Variants in PCYT1B observed in about 807,000 individuals in gnomAD.
The protein encoded by PCYT1B is choline-phosphate cytidylyltransferase B.
In PCYT1B, 10 loss-of-function variants were observed where a neutral mutation model predicts 26.4. The observed-to-expected ratio is 0.38, with a 90% CI of 0.23 to 0.64. PCYT1B has a LOEUF of 0.64. PCYT1B is among the 30% of genes least tolerant of loss of function. The pLI, the probability that PCYT1B is intolerant of heterozygous loss-of-function variation, is 0.56. For synonymous variants in PCYT1B, 131 were observed against 108.4 expected (o/e 1.21, Z -1.29); for missense variants, 161 against 292.7 (o/e 0.55, Z 3.28).
At chrX:24,566,384 G>A (rs1280212638) in intron 7 of PCYT1B, among the ~76,000 whole-genome samples, 1 of 111,834 alleles carries the variant, frequency 8.9e-6, no homozygotes, top group Non-Finnish European at 1.9e-5. Flanking sequence ...AAACACTCAT[G>A]AGCAACTGCA....
At chrX:24,591,661 G>C (rs781294119) in intron 3 of PCYT1B, among the ~76,000 whole-genome samples, 1 of 111,111 alleles carries the variant, frequency 9.0e-6, no homozygotes, top group Non-Finnish European at 1.9e-5. Flanking sequence ...GACTGCAAGT[G>C]ATCCACCGGT....
intron 5 of PCYT1B, among the ~76,000 whole-genome samples, chrX:24,580,132 C>T (rs1346006627): frequency 5.3e-5 from 6 of 112,334 alleles, no homozygotes; most frequent in Non-Finnish European, 1.1e-4. Flanking sequence ...GTGACTGCGC[C>T]ACTGCACTCC....
intron 1 of PCYT1B, among the ~76,000 whole-genome samples, chrX:24,640,820 G>A (rs183439950): frequency 1.8e-5 from 2 of 111,674 alleles, no homozygotes; most frequent in African/African-American, 3.3e-5. Flanking sequence ...ACACCTCCAA[G>A]TGGAAGTCCC....
intron 5 of PCYT1B, among the ~76,000 whole-genome samples, chrX:24,583,107 C>T (rs993661544): frequency 3.6e-4 from 41 of 112,375 alleles, no homozygotes; most frequent in African/African-American, 1.1e-3. Context: ...CTGGGCTGGC[C>T]TCAGTGACTT....
chrX:24,653,817 T>G (rs183696189), intron 1 of PCYT1B, among the ~76,000 whole-genome samples: 1 of 108,428 alleles, frequency 9.2e-6, no homozygotes, highest in East Asian at 2.9e-4. Context: ...AGTGGTGTGA[T>G]CATCTTGGCT....
At chrX:24,617,363 GTTTGTTTGTTTTTTTT>G (rs1234300464) in intron 2 of PCYT1B, among the ~76,000 whole-genome samples, 2 of 51,547 alleles carry the variant, frequency 3.9e-5, no homozygotes, top group African/African-American at 2.1e-4. Context: ...CTTAAGTTTG[GTTTGTTTGTTTTTTTT>G]TTTGTTTGTT....
At chrX:24,654,759 A>G (rs1771758138) in intron 1 of PCYT1B, among the ~76,000 whole-genome samples, 1 of 106,437 alleles carries the variant, frequency 9.4e-6, no homozygotes, top group East Asian at 3.0e-4. Context: ...CAAAAAAAAA[A>G]AAAAAAAAAA....
At chrX:24,600,629 A>G (rs1924927599) in intron 3 of PCYT1B, among the ~76,000 whole-genome samples, 1 of 111,304 alleles carries the variant, frequency 9.0e-6, no homozygotes, top group Non-Finnish European at 1.9e-5. Flanking sequence ...CTCTTAAAAA[A>G]TACATAAAAA....
intron 3 of PCYT1B, among the ~76,000 whole-genome samples, chrX:24,601,581 G>C (rs1419928517): frequency 2.0e-5 from 2 of 102,344 alleles, no homozygotes; most frequent in Non-Finnish European, 4.0e-5. Flanking sequence ...AATATACAAA[G>C]AACTCTAAAA....
chrX:24,597,099 G>A lies in PCYT1B; in HGVS notation c.335-6925C>T, dbSNP rs762296796. The stretch of plus-strand genomic sequence containing the variant: ...AAACTACGATACATATACCCTCATG[G>A]ACACACACAGACTTTTCTTTTTTCT... On this transcript the variant is annotated intron_variant, in intron 3 of 7. Transcript: ENST00000379144. Among the ~76,000 whole-genome samples the A allele has an allele frequency of 4.5e-5, 5 of 110,135 alleles. No individual in the cohort carries two copies. In the East Asian group the frequency reaches 1.4e-3, roughly 31 times the overall value.
chrX:24,594,360 A>T (rs1924711380), intron 3 of PCYT1B, among the ~76,000 whole-genome samples: 1 of 111,537 alleles, frequency 9.0e-6, no homozygotes, highest in African/African-American at 3.3e-5. Flanking sequence ...TTTCAAAACC[A>T]ATCTAAGACT....
At chrX:24,563,469 G>A (rs1015040420) in intron 7 of PCYT1B, among the ~76,000 whole-genome samples, 4 of 112,032 alleles carry the variant, frequency 3.6e-5, no homozygotes, top group Non-Finnish European at 7.5e-5. Context: ...AGGGCACCGC[G>A]GCTGCCTTGA....
intron 7 of PCYT1B, among the ~76,000 whole-genome samples, chrX:24,570,655 AT>A (rs1171855905): frequency 9.0e-6 from 1 of 111,317 alleles, no homozygotes; most frequent in Non-Finnish European, 1.9e-5. Context: ...GAGATAATAA[AT>A]GTTTGTCGTT....
rs3761612 is a variant in PCYT1B, at chrX:24,560,153, C to T, written c.*2140G>A. Reference sequence around the variant, plus strand: ...AATCTATCTGCCCTGGGCCATGGAGCAGGGGCACAAAGGCCTTCCCAAGAG... The same window carrying T: ...AATCTATCTGCCCTGGGCCATGGAGTAGGGGCACAAAGGCCTTCCCAAGAG... On this transcript the variant is annotated 3_prime_UTR_variant, in exon 8 of 8. Coordinates refer to ENST00000379144, the MANE Select transcript of PCYT1B (RefSeq NM_004845.5). 0.21 allele frequency: 23,257 copies of T among 111,450 alleles called. 1,851 individuals are homozygous for T. Among genetic ancestry groups the T allele is most frequent in the African/African-American group, 0.26 (7,839 of 30,650 alleles). 9.2% of individuals were successfully genotyped at this position (111,450 alleles called of 1,213,427 possible). A position where few individuals can be genotyped will look rare whatever the true frequency, so the allele number is the denominator to read the frequency against.
In PCYT1B at chrX:24,579,430, T is replaced by C. The variant is rs779163247; in HGVS notation, c.594A>G (p.Glu198=). 8.3e-7 allele frequency: 1 copy of C among 1,210,120 alleles called. No individual in the cohort carries two copies. The highest frequency in any genetic ancestry group is 1.1e-6 in the Non-Finnish European group (1 of 894,174). Residue 198 remains glutamate (E), a synonymous_variant, in exon 6 of 8, where the codon GAA becomes GAG. Transcript: ENST00000379144. ...AGMFVPTQRT[E]GISTSDIITR... The stretch of plus-strand genomic sequence containing the variant: ...TAATGATGTCCGATGTTGAGATGCC[T>C]TCTGTTCTCTGCGTTGGAACGAACA...
At chrX:24,635,401 A>G (rs1244025538) in intron 1 of PCYT1B, among the ~76,000 whole-genome samples, 1 of 112,429 alleles carries the variant, frequency 8.9e-6, no homozygotes, top group African/African-American at 3.2e-5. Context: ...GCATTAGAAC[A>G]AATTATGCAG....
At chrX:24,626,746 A>C (rs1490985871) in intron 1 of PCYT1B, among the ~76,000 whole-genome samples, 1 of 111,980 alleles carries the variant, frequency 8.9e-6, no homozygotes, top group African/African-American at 3.2e-5. Context: ...GAGCTTTAAA[A>C]AATTTTTAAA....
At chrX:24,591,592 T>G (rs1341914454) in intron 3 of PCYT1B, among the ~76,000 whole-genome samples, 1 of 109,617 alleles carries the variant, frequency 9.1e-6, no homozygotes, top group Non-Finnish European at 1.9e-5. Flanking sequence ...CCCAGCCAAT[T>G]TTTGTATTTT....
chrX:24,627,011 T>G (rs2055738787), intron 1 of PCYT1B, among the ~76,000 whole-genome samples: 1 of 110,011 alleles, frequency 9.1e-6, no homozygotes, highest in Non-Finnish European at 1.9e-5. Flanking sequence ...GAATAGGGAG[T>G]GTTGGGGGTA....
Sources: gnomAD v4.1 joint callset for allele counts (sites outside exome capture counted in the v4.1 genomes callset) on GRCh38, gnomAD v4.1.1 for gene constraint, MANE v1.5 for transcripts, NCBI Gene and HGNC (gene_info 2026-07-23, HGNC 2026-07-21) for gene names.